The following GRID2 variants were observed in gnomAD, a reference collection of about 807,000 sequenced individuals.
GRID2 encodes glutamate receptor ionotropic, delta-2.
A neutral mutation model predicts 114.8 loss-of-function variants in GRID2; 33 were observed. The observed-to-expected ratio is 0.29, with a 90% CI of 0.22 to 0.38. The LOEUF is 0.38. GRID2 is among the 10% of genes least tolerant of loss of function. The pLI is 1.00. For missense variants in GRID2, 1,184 were observed against 1,257.7 expected (o/e 0.94, Z 0.89); for synonymous variants, 505 against 449.9 (o/e 1.12, Z -1.55).
chr4:92,520,951 A>G (rs1336069707), intron 1 of GRID2, among the ~76,000 whole-genome samples: 3 of 151,882 alleles, frequency 2.0e-5, no homozygotes, highest in Admixed American at 1.3e-4. Context: ...TGCCACTTCC[A>G]TTTTGCCCTG....
chr4:93,230,492 T>C (rs1746000261), intron 7 of GRID2, among the ~76,000 whole-genome samples: 1 of 152,194 alleles, frequency 6.6e-6, no homozygotes, highest in Admixed American at 6.5e-5. Context: ...ATTTTTGTTT[T>C]ATTATATTAT....
chr4:93,229,393 A>G (rs1745859572), intron 7 of GRID2, among the ~76,000 whole-genome samples: 1 of 152,094 alleles, frequency 6.6e-6, no homozygotes, highest in Non-Finnish European at 1.5e-5. Flanking sequence ...AAAGGTTCCC[A>G]CTCATGCGGG....
At chr4:92,324,162 A>C (rs896235139) in intron 1 of GRID2, among the ~76,000 whole-genome samples, 2 of 152,016 alleles carry the variant, frequency 1.3e-5, no homozygotes, top group Non-Finnish European at 2.9e-5. Context: ...TGCTAGGTGC[A>C]GTGAATATAT....
At chr4:92,679,819 A>C (rs1293155732) in intron 2 of GRID2, among the ~76,000 whole-genome samples, 1 of 152,100 alleles carries the variant, frequency 6.6e-6, no homozygotes, top group Non-Finnish European at 1.5e-5. Flanking sequence ...CTAATAGAAA[A>C]TAAGAAAATT....
At chr4:93,763,962 C>T (rs1340581528) in intron 14 of GRID2, among the ~76,000 whole-genome samples, 1 of 152,032 alleles carries the variant, frequency 6.6e-6, no homozygotes, top group Non-Finnish European at 1.5e-5. Context: ...TTATTGACAG[C>T]GATGGTATTT....
intron 14 of GRID2, among the ~76,000 whole-genome samples, chr4:93,686,538 TA>T (rs891519424): frequency 6.6e-6 from 1 of 151,266 alleles, no homozygotes. Flanking sequence ...ATTTCAGTGG[TA>T]AATTATATAA....
chr4:92,992,210 AC>A (rs1261226042), intron 2 of GRID2, among the ~76,000 whole-genome samples: 6 of 152,234 alleles, frequency 3.9e-5, no homozygotes, highest in Middle Eastern at 3.4e-3. Context: ...TAAATACGGG[AC>A]TTTTCCAAAC....
chr4:92,327,765 C>G (rs1726674156), intron 1 of GRID2, among the ~76,000 whole-genome samples: 1 of 151,920 alleles, frequency 6.6e-6, no homozygotes, highest in South Asian at 2.1e-4. Context: ...GTCCTCTAAT[C>G]CGCAAGACAT....
At chr4:92,796,952 G>A (rs1189088607) in intron 2 of GRID2, among the ~76,000 whole-genome samples, 3 of 151,820 alleles carry the variant, frequency 2.0e-5, no homozygotes, top group Non-Finnish European at 2.9e-5. Context: ...TTCAAAAAGT[G>A]GAAGGTATTT....
chr4:92,387,884 T>C (rs1027754198), intron 1 of GRID2, among the ~76,000 whole-genome samples: 3 of 151,970 alleles, frequency 2.0e-5, no homozygotes, highest in Admixed American at 6.6e-5. Flanking sequence ...AGTTCAAACA[T>C]AAAAAGAATC....
At chr4:92,983,422 C>T (rs1461382644) in intron 2 of GRID2, among the ~76,000 whole-genome samples, 1 of 152,036 alleles carries the variant, frequency 6.6e-6, no homozygotes, top group Admixed American at 6.6e-5. Context: ...ATGGCCCCAC[C>T]TCTTAATGTC....
chr4:93,592,639 C>G (rs1738512241), intron 13 of GRID2, among the ~76,000 whole-genome samples: 1 of 152,160 alleles, frequency 6.6e-6, no homozygotes, highest in Admixed American at 6.5e-5. Context: ...GTTGATCTGT[C>G]TAATGTTGAC....
At chr4:92,418,959 A>T (rs1465288476) in intron 1 of GRID2, among the ~76,000 whole-genome samples, 4 of 151,412 alleles carry the variant, frequency 2.6e-5, no homozygotes, top group Admixed American at 2.0e-4. Flanking sequence ...TTAATGTTGT[A>T]CTCATATCTC....
intron 1 of GRID2, among the ~76,000 whole-genome samples, chr4:92,585,709 T>C (rs1026862707): frequency 6.6e-6 from 1 of 151,896 alleles, no homozygotes; most frequent in Non-Finnish European, 1.5e-5. Context: ...GATGAACACA[T>C]AATTTTTTCT....
At chr4:92,611,513 A>T (rs1226026590) in intron 2 of GRID2, among the ~76,000 whole-genome samples, 1 of 151,556 alleles carries the variant, frequency 6.6e-6, no homozygotes, top group Non-Finnish European at 1.5e-5. Flanking sequence ...CACACTGAGC[A>T]TTAGTGTTCA....
intron 13 of GRID2, among the ~76,000 whole-genome samples, chr4:93,568,856 T>C (rs1234591970): frequency 6.6e-6 from 1 of 152,166 alleles, no homozygotes; most frequent in Non-Finnish European, 1.5e-5. Context: ...TTATGTATAA[T>C]CGTAGGGAAC....
chr4:93,127,103 A>G (rs926135754), intron 4 of GRID2, among the ~76,000 whole-genome samples: 1 of 152,234 alleles, frequency 6.6e-6, no homozygotes, highest in African/African-American at 2.4e-5. Context: ...TTCACAAATA[A>G]AAATTTTGTA....
intron 2 of GRID2, among the ~76,000 whole-genome samples, chr4:92,791,030 G>A (rs939137866): frequency 6.6e-6 from 1 of 151,448 alleles, no homozygotes; most frequent in Non-Finnish European, 1.5e-5. Flanking sequence ...TGTGCTTCTT[G>A]TGAGAATGAA....
chr4:92,679,745 G>A (rs1733554046), intron 2 of GRID2, among the ~76,000 whole-genome samples: 2 of 151,798 alleles, frequency 1.3e-5, no homozygotes, highest in Admixed American at 1.3e-4. Context: ...CATTCAGCTT[G>A]GGAAAAATAT....
Sources: gnomAD v4.1 joint callset for allele counts (sites outside exome capture counted in the v4.1 genomes callset) on GRCh38, gnomAD v4.1.1 for gene constraint, MANE v1.5 for transcripts, NCBI Gene and HGNC (gene_info 2026-07-23, HGNC 2026-07-21) for gene names.